TUBGCP2: variants seen among roughly 807,000 people sequenced by gnomAD.
TUBGCP2 encodes the protein tubulin gamma complex component 2.
TUBGCP2 carries 55 observed loss-of-function variants against 92.2 expected under a neutral mutation model. That is an observed-to-expected ratio of 0.60 (90% CI 0.48 to 0.75). TUBGCP2 has a LOEUF of 0.75. Among genes scored for constraint, TUBGCP2 ranks in the 30% least tolerant of loss-of-function variants. The pLI is 0.00. For synonymous variants in TUBGCP2, 533 were observed against 505.2 expected (o/e 1.06, Z -0.74); for missense variants, 1,093 against 1,188.9 (o/e 0.92, Z 1.19).
intron 3 of TUBGCP2, 36 bp from the exon 4 acceptor site, chr10:133,299,639 C>A: frequency 6.4e-7 from 1 of 1,556,094 alleles, no homozygotes. Flanking sequence ...CACACTGGGC[C>A]AGCACCTCTT....
In TUBGCP2 at chr10:133,282,243, G is replaced by C. The variant is rs754171795; in HGVS notation, c.2389C>G (p.Arg797Gly). The change falls in exon 16 of 18, where the codon CGG becomes GGG. Residue 797 changes from arginine (R) to glycine (G), a missense_variant. Transcript: ENST00000252936. Reference sequence around the variant, plus strand: ...CGCACCTTCCTGGCGAGCTCCTTCCGGGCCCGCTCCTCGGCCCCTGCGGGC... The same window carrying C: ...CGCACCTTCCTGGCGAGCTCCTTCCCGGCCCGCTCCTCGGCCCCTGCGGGC... ...GLPAGAEERA[R>G]KELARKHLAE... The C allele has an allele frequency of 6.2e-7, 1 of 1,611,622 alleles. No homozygotes were observed. Among genetic ancestry groups the C allele is most frequent in the Non-Finnish European group, 8.5e-7 (1 of 1,179,498 alleles).
chr10:133,282,187 A>AGCGTCTCTCTCTGG, intron 16 of TUBGCP2, 36 bp downstream of exon 16: 2 of 1,610,448 alleles, frequency 1.2e-6, no homozygotes, highest in Non-Finnish European at 1.7e-6. Context: ...GCCGGGAGGA[A>AGCGTCTCTCTCTGG]GCGTCTCTCT....
upstream of TUBGCP2, chr10:133,312,128 C>T (rs1038861241): frequency 7.0e-7 from 1 of 1,438,092 alleles, no homozygotes; most frequent in Non-Finnish European, 9.1e-7. Context: ...CTTGCAGTTG[C>T]TTCAGTCACA....
At chr10:133,306,534 T>C (rs1208799001) in intron 1 of TUBGCP2, among the ~76,000 whole-genome samples, 1 of 152,188 alleles carries the variant, frequency 6.6e-6, no homozygotes, top group African/African-American at 2.4e-5. Context: ...ACGCCTGTAA[T>C]CTCAGCACTT....
At chr10:133,283,728 T>TTG (rs1847053493) in intron 14 of TUBGCP2, among the ~76,000 whole-genome samples, 154 bp downstream of exon 14, 1 of 143,016 alleles carries the variant, frequency 7.0e-6, no homozygotes, top group Non-Finnish European at 1.5e-5. Flanking sequence ...TCTCCCGCAC[T>TTG]CCCTGCCTCT....
rs951807093 is a variant in TUBGCP2 at position 133,293,777 on chromosome 10, C to G, written c.617-8G>C. On this transcript the variant is annotated splice_polypyrimidine_tract_variant and splice_region_variant and intron_variant, in intron 5 of 17. Transcript: ENST00000252936. The stretch of plus-strand genomic sequence containing the variant: ...AGGCCAGGGGCAACGTGCCTGCGGG[C>G]ACAGACAGCGCTGTGGCTCTGCAGC... The G allele has an allele frequency of 1.3e-6, 2 of 1,574,188 alleles. No individual in the cohort carries two copies. Among genetic ancestry groups the G allele is most frequent in the South Asian group, 2.3e-5 (2 of 86,122 alleles).
rs150204230 is a variant in TUBGCP2 at position 133,299,596 on chromosome 10, T to C, written c.287A>G (p.Gln96Arg). The part of the protein sequence containing the change: ...SKLTEDKETL[Q>R]YLQQNAKERA... ...TTCTTTTGCATTCTGTTGTAAGTAC[T>C]GCAGAGTCTGAAAACATGTAAAACT... The change falls in exon 4 of 18, where the codon CAG (glutamine) becomes CGG (arginine). Residue 96 changes from glutamine to arginine, a missense_variant. Transcript: ENST00000252936. 66 of 1,605,804 alleles carry C rather than the reference T, an allele frequency of 4.1e-5. No individual in the cohort carries two copies. The highest frequency in any genetic ancestry group is 5.4e-5 in the Non-Finnish European group (64 of 1,174,760).
At chr10:133,279,949 G>C in intron 17 of TUBGCP2, 48 bp from the exon 18 acceptor site, 1 of 1,586,322 alleles carries the variant, frequency 6.3e-7, no homozygotes, top group Non-Finnish European at 8.6e-7. Context: ...TTCTGCGGGT[G>C]CATGCTGGGC....
chr10:133,296,563 G>A (rs1008757359), intron 5 of TUBGCP2, among the ~76,000 whole-genome samples: 2 of 151,446 alleles, frequency 1.3e-5, no homozygotes, highest in African/African-American at 2.4e-5. Context: ...CTGCAGCCTC[G>A]ACCTCTCAGG....
chr10:133,301,747 C>T (rs1434807293), intron 2 of TUBGCP2: 55 of 103,542 alleles, frequency 5.3e-4, no homozygotes, highest in African/African-American at 2.1e-3. Context: ...GAGTCTCACT[C>T]TGACGCCCAG....
At chr10:133,292,898 A>G (rs1847394244) in intron 7 of TUBGCP2, 141 bp downstream of exon 7, 1 of 1,122,418 alleles carries the variant, frequency 8.9e-7, no homozygotes, top group South Asian at 1.6e-5. Flanking sequence ...TTAATAGCAC[A>G]TGGAGCAACA....
intron 3 of TUBGCP2, 26 bp downstream of exon 3, chr10:133,299,959 G>C (rs1847599624): frequency 3.1e-6 from 5 of 1,612,452 alleles, no homozygotes; most frequent in Non-Finnish European, 4.2e-6. Flanking sequence ...TACGGGCGCA[G>C]TGTGGCACGT....
At chr10:133,293,327 G>T in intron 6 of TUBGCP2, 89 bp from the exon 7 acceptor site, 1 of 1,475,700 alleles carries the variant, frequency 6.8e-7, no homozygotes, top group Non-Finnish European at 9.3e-7. Flanking sequence ...CAAACAGGAA[G>T]CAAATGACTC....
Position 133,302,899 on chromosome 10 carries a change from T to A in TUBGCP2, c.43A>T (p.Ser15Cys). Residue 15 changes from serine (S) to cysteine (C), a missense_variant, in exon 2 of 18, where the codon AGC (serine) becomes TGC (cysteine). Around this residue, in one of 3 missense-constraint regions of TUBGCP2, gnomAD observed 490 missense variants for 488.5 expected, o/e 1.00. Coordinates refer to ENST00000252936, the MANE Select transcript of TUBGCP2 (RefSeq NM_006659.4). ...TCTCCTCCGTGGACACGCAGCAGGC[T>A]AAGCAGTTCATTGACGTCATGGTGA... ...RIHHDVNELL[S>C]LLRVHGGDGA... 6.2e-7 allele frequency: 1 copy of A among 1,614,068 alleles called. No individual in the cohort carries two copies. Among genetic ancestry groups the A allele is most frequent in the Non-Finnish European group, 8.5e-7 (1 of 1,180,008 alleles).
chr10:133,285,280 G>A lies in TUBGCP2; in HGVS notation c.1896-67C>T, dbSNP rs762913654. 6.2e-5 allele frequency: 100 copies of A among 1,603,348 alleles called. No individual in the cohort carries two copies. The highest frequency in any genetic ancestry group is 8.3e-5 in the Non-Finnish European group (98 of 1,178,522). On this transcript the variant is annotated intron_variant, in intron 12 of 17. Coordinates refer to ENST00000252936, the MANE Select transcript of TUBGCP2 (RefSeq NM_006659.4). The surrounding 1 kb of genome is among the most constrained non-coding windows in gnomAD (Gnocchi z 6.8). Reference sequence around the variant, plus strand: ...CGGCGGCGTCGTGGACACGGCGTCTGTACTCCACAGTCCGCACCGTGGCCC... The same window carrying A: ...CGGCGGCGTCGTGGACACGGCGTCTATACTCCACAGTCCGCACCGTGGCCC...
upstream of TUBGCP2, chr10:133,311,694 A>G: frequency 6.2e-7 from 1 of 1,603,458 alleles, no homozygotes; most frequent in Non-Finnish European, 8.5e-7. Flanking sequence ...CAGGGCAGTT[A>G]CTCACTGCTC....
Position 133,285,696 on chromosome 10 carries a change from G to A in TUBGCP2, c.1723-68C>T, listed in dbSNP as rs147676958. The A allele has an allele frequency of 0.023, 32,904 of 1,420,156 alleles. 446 individuals are homozygous for A. The highest frequency in any genetic ancestry group is 0.027 in the Non-Finnish European group (29,069 of 1,077,512). 88.0% of individuals were successfully genotyped at this position (1,420,156 alleles called of 1,614,324 possible). On this transcript the variant is annotated intron_variant, in intron 11 of 17. Transcript: ENST00000252936. The surrounding 1 kb of genome is among the most constrained non-coding windows in gnomAD (Gnocchi z 6.8). ...AAAGACCCGAAGTCGCATCCCGATC[G>A]CCATCCTCGCTCACAGACCCAGCGC...
intron 14 of TUBGCP2, 129 bp downstream of exon 14, chr10:133,283,753 G>A (rs952919045): frequency 2.8e-5 from 39 of 1,389,296 alleles, no homozygotes; most frequent in East Asian, 1.9e-4. Flanking sequence ...CACTCCCTGC[G>A]TCTCCCTGCA....
At chr10:133,303,061 A>C in intron 1 of TUBGCP2, 81 bp from the exon 2 acceptor site, 15 of 1,307,664 alleles carry the variant, frequency 1.1e-5, no homozygotes, top group Non-Finnish European at 1.5e-5. Flanking sequence ...AGACTGGCCA[A>C]TGTCAGGCTT....
Sources: allele counts gnomAD v4.1 joint callset (sites outside exome capture counted in the v4.1 genomes callset), GRCh38; gene constraint gnomAD v4.1.1; regional missense constraint gnomAD v4.1.1; non-coding constraint Gnocchi (gnomAD v3.1); transcripts MANE v1.5; gene names NCBI Gene and HGNC (gene_info 2026-07-23, HGNC 2026-07-21).